The following TBX15 variants were observed in gnomAD, a reference collection of about 807,000 sequenced individuals.
The protein encoded by TBX15 is T-box transcription factor 15.
Under a neutral mutation model 53.9 loss-of-function variants are expected in TBX15, and 18 were observed. The observed-to-expected ratio is 0.33, with a 90% CI of 0.23 to 0.49. The LOEUF is 0.49. Ranked by LOEUF, TBX15 falls within the 20% of genes least tolerant of loss-of-function variation. TBX15 has a pLI of 0.98. For synonymous variants in TBX15, 295 were observed against 278.0 expected (o/e 1.06, Z -0.61); for missense variants, 692 against 749.5 (o/e 0.92, Z 0.90).
At chr1:118,925,625 A>T (rs1271097455) in intron 3 of TBX15, among the ~76,000 whole-genome samples, 4 of 152,204 alleles carry the variant, frequency 2.6e-5, no homozygotes, top group African/African-American at 9.6e-5. Context: ...AAAGGACCAC[A>T]TGGGACCTGG....
At chr1:118,911,307 GC>G (rs1440083226) in intron 6 of TBX15, among the ~76,000 whole-genome samples, 4 of 152,194 alleles carry the variant, frequency 2.6e-5, no homozygotes, top group African/African-American at 9.6e-5. Flanking sequence ...ACTTAAAGTA[GC>G]CCTCAGATTT....
chr1:118,980,662 A>G (rs559330355), intron 1 of TBX15, among the ~76,000 whole-genome samples: 2 of 152,354 alleles, frequency 1.3e-5, no homozygotes, highest in African/African-American at 4.8e-5. Context: ...TACTTTCTAC[A>G]TGGAAGAACA....
intron 6 of TBX15, among the ~76,000 whole-genome samples, chr1:118,904,512 G>C (rs779703860): frequency 6.6e-6 from 1 of 152,168 alleles, no homozygotes; most frequent in Non-Finnish European, 1.5e-5. Context: ...ATATCTACAT[G>C]ATGAAGTAGC....
chr1:118,928,592 G>A (rs1456870410), intron 2 of TBX15, among the ~76,000 whole-genome samples: 1 of 152,110 alleles, frequency 6.6e-6, no homozygotes, highest in East Asian at 1.9e-4. Context: ...ATGTTTGGAG[G>A]GCATCTTGCC....
intron 6 of TBX15, among the ~76,000 whole-genome samples, chr1:118,906,589 G>T (rs1188568476): frequency 1.3e-5 from 2 of 152,158 alleles, no homozygotes; most frequent in Non-Finnish European, 2.9e-5. Flanking sequence ...AGCAGCTGCT[G>T]AAGAGGGGGT....
Position 118,885,501 on chromosome 1 carries a change from G to C in TBX15, c.1040C>G (p.Thr347Ser). The change falls in exon 8 of 8, where the codon ACT becomes AGT. Residue 347 changes from threonine to serine, a missense_variant. Transcript: ENST00000369429. ...MQKQQGGSTG[T>S]SPTTSSTGTP... ...CCCAGTGCTGGAGGTGGTTGGGGAA[G>C]TGCCTGTGCTGCCTCCTGAAAAATA... 6.3e-7 allele frequency: 1 copy of C among 1,594,290 alleles called. No homozygotes were observed. Among genetic ancestry groups the C allele is most frequent in the Non-Finnish European group, 8.6e-7 (1 of 1,168,858 alleles).
intron 1 of TBX15, among the ~76,000 whole-genome samples, chr1:118,953,431 C>T (rs1331486535): frequency 2.6e-5 from 4 of 152,212 alleles, no homozygotes; most frequent in Non-Finnish European, 5.9e-5. Context: ...TCATTCCCAA[C>T]CTCCCACTCT....
chr1:118,959,027 A>G (rs1169028229), intron 1 of TBX15, among the ~76,000 whole-genome samples: 2 of 59,004 alleles, frequency 3.4e-5, no homozygotes, highest in African/African-American at 1.6e-4. Flanking sequence ...ATAATATCAG[A>G]GAGAGAGAGA....
intron 2 of TBX15, 102 bp from the exon 3 acceptor site, chr1:118,926,713 G>C: frequency 1.8e-6 from 2 of 1,081,188 alleles, no homozygotes; most frequent in Admixed American, 4.0e-5. Flanking sequence ...TTGTTTTCTT[G>C]TTTGTTTTTT....
At chr1:118,886,346 G>A (rs569069722) in intron 7 of TBX15, among the ~76,000 whole-genome samples, 1 of 152,096 alleles carries the variant, frequency 6.6e-6, no homozygotes, top group Non-Finnish European at 1.5e-5. Context: ...CTGAGAGTCA[G>A]GAGATCTGGG....
At chr1:118,923,080 T>C (rs1655476100) in intron 5 of TBX15, among the ~76,000 whole-genome samples, 1 of 151,670 alleles carries the variant, frequency 6.6e-6, no homozygotes, top group African/African-American at 2.4e-5. Context: ...ATGCTATATC[T>C]CGTATCAGAG....
At chr1:118,927,530 A>C (rs1242635552) in intron 2 of TBX15, among the ~76,000 whole-genome samples, 1 of 152,190 alleles carries the variant, frequency 6.6e-6, no homozygotes, top group African/African-American at 2.4e-5. Context: ...AACTGTAGAA[A>C]ATTTTCTGCA....
intron 1 of TBX15, among the ~76,000 whole-genome samples, chr1:118,934,560 C>A (rs1655901797): frequency 6.6e-6 from 1 of 152,172 alleles, no homozygotes; most frequent in Non-Finnish European, 1.5e-5. Context: ...TTACTATGTG[C>A]CCAGCACTGT....
chr1:118,985,726 G>T (rs772388798), intron 1 of TBX15, among the ~76,000 whole-genome samples: 3 of 152,126 alleles, frequency 2.0e-5, no homozygotes, highest in East Asian at 1.9e-4. Context: ...AAATGATAAC[G>T]TAATGGGAAA....
chr1:118,888,659 C>G (rs1466728367), intron 7 of TBX15, among the ~76,000 whole-genome samples: 3 of 152,162 alleles, frequency 2.0e-5, no homozygotes, highest in Non-Finnish European at 1.5e-5. Context: ...GGATAGTTAT[C>G]TGGTCACTTC....
At chr1:118,931,533 C>T in intron 2 of TBX15, 86 bp downstream of exon 2, 3 of 1,449,792 alleles carry the variant, frequency 2.1e-6, no homozygotes, top group Non-Finnish European at 2.9e-6. Context: ...TTGATGCCAT[C>T]ACAAATAAAT....
chr1:118,894,578 G>A (rs1021787483), intron 7 of TBX15, among the ~76,000 whole-genome samples: 32 of 152,168 alleles, frequency 2.1e-4, no homozygotes, highest in African/African-American at 7.5e-4. Context: ...GTCATGCAGT[G>A]AGAGGTGACG....
At chr1:118,980,609 ATAAGCCATTTTTAT>A (rs3834763) in intron 1 of TBX15, among the ~76,000 whole-genome samples, 24,447 of 152,056 alleles carry the variant, frequency 0.16, 2,902 homozygotes, top group East Asian at 0.5. Flanking sequence ...AGTTATTTCT[ATAAGCCATTTTTAT>A]TATTAAGATT....
intron 1 of TBX15, among the ~76,000 whole-genome samples, chr1:118,962,055 G>A (rs1271170446): frequency 1.3e-5 from 2 of 152,130 alleles, no homozygotes; most frequent in Non-Finnish European, 2.9e-5. Flanking sequence ...ATATCATGAG[G>A]ATATGCCAAT....
Sources: allele counts gnomAD v4.1 joint callset (sites outside exome capture counted in the v4.1 genomes callset), GRCh38; gene constraint gnomAD v4.1.1; transcripts MANE v1.5; gene names NCBI Gene and HGNC (gene_info 2026-07-23, HGNC 2026-07-21).